CCDC39: variants seen among roughly 807,000 people sequenced by gnomAD.
CCDC39 encodes the protein coiled-coil domain-containing protein 39.
CCDC39 carries 113 observed loss-of-function variants against 121.0 expected under a neutral mutation model. That is an observed-to-expected ratio of 0.93 (90% CI 0.80 to 1.09). The LOEUF is 1.09. CCDC39 is among the 50% of genes least tolerant of loss of function. CCDC39 has a pLI of 0.00. For missense variants in CCDC39, 1,063 were observed against 1,074.7 expected (o/e 0.99, Z 0.15); for synonymous variants, 349 against 352.2 (o/e 0.99, Z 0.10).
chr3:180,642,558 T>C (rs1034716777), intron 12 of CCDC39, among the ~76,000 whole-genome samples: 1 of 152,142 alleles, frequency 6.6e-6, no homozygotes, highest in Admixed American at 6.5e-5. Flanking sequence ...AAATATATTT[T>C]TATTTTAAAA....
At position 180,648,185 on chromosome 3, in the gene CCDC39, G is replaced by A; in HGVS notation, c.1342C>T (p.Gln448Ter). The change falls in exon 10 of 20, where the codon CAA (glutamine) becomes TAA (stop). Residue 448 changes from glutamine to a stop codon, truncating the protein, a stop_gained. Coordinates refer to ENST00000476379, the MANE Select transcript of CCDC39 (RefSeq NM_181426.2). LOFTEE classifies it high-confidence loss of function. ...TCTACCTGGCTGTACATAATTTCTT[G>A]CTGCTTCAAGGTTTCAAAATCCAGT... is the stretch of plus-strand genomic sequence containing the variant. ...QKLDFETLKQ[Q>*]EIMYSQDFHI... 6.2e-7 allele frequency: 1 copy of A among 1,612,818 alleles called. No homozygotes were observed. Among genetic ancestry groups the A allele is most frequent in the Non-Finnish European group, 8.5e-7 (1 of 1,179,232 alleles).
At position 180,642,012 on chromosome 3, in the gene CCDC39, G is replaced by A; in HGVS notation, c.1855C>T (p.Gln619Ter). The change falls in exon 13 of 20, where the codon CAA becomes TAA. Residue 619 changes from glutamine to a stop codon, truncating the protein, a stop_gained. Transcript: ENST00000476379. LOFTEE classifies it high-confidence loss of function. ...AATTACCTTATGTTTTCCCGTTCTTGATCAACATATCTTATTTGTGACGCA... is the reference window on the plus strand; with the variant it reads ...AATTACCTTATGTTTTCCCGTTCTTAATCAACATATCTTATTTGTGACGCA... ...MLASQIRYVD[Q>*]ERENISTEFR... 1 of 1,582,844 alleles carries A rather than the reference G, an allele frequency of 6.3e-7. No homozygotes were observed.
At chr3:180,619,661 A>T in intron 15 of CCDC39, 150 bp downstream of exon 15, 1 of 547,464 alleles carries the variant, frequency 1.8e-6, no homozygotes, top group Non-Finnish European at 3.1e-6. Flanking sequence ...AGAAAAAAAA[A>T]TGTCGTGGGG....
In CCDC39 at chr3:180,659,746, T is replaced by A; in HGVS notation, c.540A>T (p.Arg180Ser). 6.2e-7 allele frequency: 1 copy of A among 1,611,384 alleles called. No homozygotes were observed. Among genetic ancestry groups the A allele is most frequent in the Non-Finnish European group, 8.5e-7 (1 of 1,178,570 alleles). The change falls in exon 5 of 20, where the codon AGA becomes AGT. Residue 180 changes from arginine (R) to serine (S), a missense_variant. Arg to Ser is a moderately radical substitution (Grantham distance 110, BLOSUM62 -1). Transcript: ENST00000476379. ...TTTTCTGATTACATTCCAAAGTTAGTCTTTCTAATTGCAGAGTCAGTGCCT... is the reference window on the plus strand; with the variant it reads ...TTTTCTGATTACATTCCAAAGTTAGACTTTCTAATTGCAGAGTCAGTGCCT... ...KIRALTLQLE[R>S]LTLECNQKRK...
At position 180,645,085 on chromosome 3, in the gene CCDC39, T is replaced by G. The variant is rs75394347; in HGVS notation, c.1528-828A>C. On this transcript the variant is annotated intron_variant, in intron 11 of 19. Coordinates refer to ENST00000476379, the MANE Select transcript of CCDC39 (RefSeq NM_181426.2). ...ACCTACTAACCATCTGACCCTAGTA[T>G]GATGGACTCTTCCTCAGTTTCCTCA... Among the ~76,000 whole-genome samples the G allele has an allele frequency of 7.8e-3, 1,183 of 152,290 alleles. 13 individuals carry two copies. Among genetic ancestry groups the G allele is most frequent in the African/African-American group, 0.027 (1,128 of 41,560 alleles).
intron 1 of CCDC39, among the ~76,000 whole-genome samples, chr3:180,675,815 G>A (rs1712182702): frequency 6.6e-6 from 1 of 152,032 alleles, no homozygotes; most frequent in South Asian, 2.1e-4. Context: ...CAATGGAACA[G>A]AATAGAGCCC....
chr3:180,651,125 G>C (rs755484637), intron 9 of CCDC39, among the ~76,000 whole-genome samples: 1 of 152,052 alleles, frequency 6.6e-6, no homozygotes, highest in Non-Finnish European at 1.5e-5. Flanking sequence ...AACTTGGGAG[G>C]CGGAGGTTGC....
At position 180,659,683 on chromosome 3, in the gene CCDC39, G is replaced by A. The variant is rs200422639; in HGVS notation, c.603C>T (p.Ser201=). ...AAATCTTCCTTAAACTAACCTGTGC[G>A]CTTATAGTCTCTGTAAGTTCGTTGT... ...ILDNELTETI[S]AQLELDKAAQ... is the part of the protein sequence containing the mutation. Residue 201 remains serine (S), a synonymous_variant, in exon 5 of 20, where the codon AGC becomes AGT. Coordinates refer to ENST00000476379, the MANE Select transcript of CCDC39 (RefSeq NM_181426.2). 213 of 1,608,732 alleles carry A rather than the reference G, an allele frequency of 1.3e-4. No homozygotes were observed. The African/African-American group carries it at 2.2e-3, about 17-fold the overall frequency.
At chr3:180,663,005 C>T (rs1176886199) in intron 2 of CCDC39, among the ~76,000 whole-genome samples, 4 of 152,260 alleles carry the variant, frequency 2.6e-5, no homozygotes, top group Admixed American at 6.5e-5. Flanking sequence ...TGAGTTTCTA[C>T]ACTTGAACAG....
intron 7 of CCDC39, among the ~76,000 whole-genome samples, chr3:180,653,787 C>T (rs914751295): frequency 5.3e-5 from 8 of 152,118 alleles, no homozygotes; most frequent in East Asian, 1.9e-4. Context: ...CCAAAATCTA[C>T]GGATGTGTAG....
intron 1 of CCDC39, among the ~76,000 whole-genome samples, chr3:180,675,666 T>C (rs531443814): frequency 6.6e-6 from 1 of 152,186 alleles, no homozygotes; most frequent in Non-Finnish European, 1.5e-5. Context: ...GTCCCAGAGA[T>C]TCTGGTATGT....
At chr3:180,621,992 A>G (rs1717442344) in intron 14 of CCDC39, among the ~76,000 whole-genome samples, 1 of 152,158 alleles carries the variant, frequency 6.6e-6, no homozygotes, top group African/African-American at 2.4e-5. Flanking sequence ...GGTTGCATTG[A>G]ATCTGTAGAT....
chr3:180,641,910 C>A (rs1015236525), intron 13 of CCDC39, 83 bp downstream of exon 13: 9 of 945,152 alleles, frequency 9.5e-6, no homozygotes, highest in Non-Finnish European at 1.4e-5. Flanking sequence ...CGATGCACAT[C>A]CGGGATGTTA....
chr3:180,654,692 T>G, intron 7 of CCDC39, 70 bp downstream of exon 7: 1 of 1,072,980 alleles, frequency 9.3e-7, no homozygotes, highest in Non-Finnish European at 1.3e-6. Context: ...AGGAAAAGCT[T>G]TATGCTTATT....
intron 9 of CCDC39, among the ~76,000 whole-genome samples, chr3:180,650,280 A>G (rs1718168673): frequency 6.6e-6 from 1 of 152,212 alleles, no homozygotes; most frequent in Non-Finnish European, 1.5e-5. Flanking sequence ...TAGAATTAGC[A>G]AAGTTATAGC....
chr3:180,673,805 A>G (rs1297803264), intron 1 of CCDC39, among the ~76,000 whole-genome samples: 1 of 152,102 alleles, frequency 6.6e-6, no homozygotes, highest in Non-Finnish European at 1.5e-5. Flanking sequence ...ACAGCACTCC[A>G]GAAGGAAGTG....
At chr3:180,652,090 T>C (rs1711501830) in intron 8 of CCDC39, 73 bp downstream of exon 8, 1 of 839,792 alleles carries the variant, frequency 1.2e-6, no homozygotes, top group Non-Finnish European at 1.8e-6. Context: ...CAACAAATAG[T>C]CTTAAGTATT....
Position 180,641,981 on chromosome 3 carries a change from A to G in CCDC39, c.1874+12T>C. On this transcript the variant is annotated intron_variant, in intron 13 of 19. Coordinates refer to ENST00000476379, the MANE Select transcript of CCDC39 (RefSeq NM_181426.2). ...TTTTTAATTCCTCAGCAGTTTTAAA[A>G]CTGAAAATTACCTTATGTTTTCCCG... The G allele has an allele frequency of 4.5e-6, 7 of 1,555,212 alleles. No individual in the cohort carries two copies. Among genetic ancestry groups the G allele is most frequent in the Non-Finnish European group, 6.1e-6 (7 of 1,147,238 alleles).
Position 180,616,283 on chromosome 3 carries a change from T to G in CCDC39, c.2667A>C (p.Ala889=). ...SRSPSHTSLS[A]RSSRSTSTST... Reference sequence around the variant, plus strand: ...TTTTTTTTTAACCCTCCGCTTACCTTGCTGATAGTGAAGTATGTGAAGGAG... The same window carrying G: ...TTTTTTTTTAACCCTCCGCTTACCTGGCTGATAGTGAAGTATGTGAAGGAG... The change falls in exon 19 of 20, where the codon GCA becomes GCC. Residue 889 remains alanine, a splice_region_variant and synonymous_variant. Transcript: ENST00000476379. 6.2e-7 allele frequency: 1 copy of G among 1,613,098 alleles called. No individual in the cohort carries two copies. The highest frequency in any genetic ancestry group is 8.5e-7 in the Non-Finnish European group (1 of 1,179,328).
Sources: gnomAD v4.1 joint callset for allele counts (sites outside exome capture counted in the v4.1 genomes callset) on GRCh38, gnomAD v4.1.1 for gene constraint, MANE v1.5 for transcripts, NCBI Gene and HGNC (gene_info 2026-07-23, HGNC 2026-07-21) for gene names.